The following PHACTR3 variants were observed in gnomAD, a reference collection of about 807,000 sequenced individuals.
PHACTR3 encodes phosphatase and actin regulator 3, also known as protein phosphatase 1, regulatory subunit 123.
PHACTR3 carries 16 observed loss-of-function variants against 66.8 expected under a neutral mutation model. The ratio of observed to expected loss-of-function variants is 0.24; its 90% CI spans 0.16 to 0.36. The LOEUF (loss-of-function observed/expected upper bound fraction) is 0.36, where lower values mean the gene tolerates loss of function less well. Among genes scored for constraint, PHACTR3 ranks in the 10% least tolerant of loss-of-function variants. PHACTR3 has a pLI of 1.00. For missense variants in PHACTR3, 647 were observed against 719.9 expected, an observed-to-expected ratio of 0.90 and a Z score of 1.16; for synonymous variants, 323 against 292.1, an observed-to-expected ratio of 1.11 and a Z score of -1.08.
At chr20:59,613,825 T>G (rs1341186606) in intron 1 of PHACTR3, among the ~76,000 whole-genome samples, 2 of 152,230 alleles carry the variant, frequency 1.3e-5, no homozygotes, top group African/African-American at 4.8e-5. Flanking sequence ...AGATATGTGA[T>G]CCAAGCCTAA....
In PHACTR3 at chr20:59,767,275, G is replaced by T. The variant is rs746482289; in HGVS notation, c.631G>T (p.Ala211Ser). ...TNELSQALAG[A>S]DSLDSPPRPL... The stretch of plus-strand genomic sequence containing the variant: ...TGAGCTCTCCCAAGCCTTAGCTGGG[G>T]CTGACTCCCTGGACAGTCCTCCCAG... The change falls in exon 5 of 13, where the codon GCT becomes TCT. Residue 211 changes from alanine to serine, a missense_variant. Coordinates refer to ENST00000371015, the MANE Select transcript of PHACTR3 (RefSeq NM_080672.5). 8 of 1,614,114 alleles carry T rather than the reference G, an allele frequency of 5.0e-6. No homozygotes were observed. Among genetic ancestry groups the T allele is most frequent in the African/African-American group, 4.0e-5 (3 of 74,952 alleles).
intron 9 of PHACTR3, among the ~76,000 whole-genome samples, chr20:59,839,453 G>A (rs2059018842): frequency 6.6e-6 from 1 of 152,136 alleles, no homozygotes. Context: ...CAAGTGGCAG[G>A]ATTTCCCTTA....
intron 1 of PHACTR3, among the ~76,000 whole-genome samples, chr20:59,680,995 C>G (rs1276392514): frequency 6.6e-6 from 1 of 152,202 alleles, no homozygotes; most frequent in African/African-American, 2.4e-5. Flanking sequence ...CTGCAGGATG[C>G]TGTGGCATCT....
chr20:59,815,663 T>C (rs563630750), intron 8 of PHACTR3, among the ~76,000 whole-genome samples: 2 of 152,306 alleles, frequency 1.3e-5, no homozygotes, highest in Admixed American at 6.5e-5. Context: ...GACCTCATGA[T>C]CCGCCTGCCT....
At chr20:59,742,888 G>C (rs2039218747) in intron 1 of PHACTR3, among the ~76,000 whole-genome samples, 1 of 152,186 alleles carries the variant, frequency 6.6e-6, no homozygotes, top group Admixed American at 6.5e-5. Context: ...TGGTGGCCGT[G>C]AGTGGGTCGC....
In PHACTR3 at chr20:59,774,786, A is replaced by G. The variant is rs572729742; in HGVS notation, c.1174+296A>G. Among the ~76,000 whole-genome samples the G allele has an allele frequency of 2.0e-4, 31 of 152,212 alleles. No individual in the cohort carries two copies. In the Middle Eastern group the frequency reaches 0.014, roughly 67 times the overall value. ...AAAAAAAAACAACATAAAAGTGGTG[A>G]AGCAAGTGACTTAGAGAATGCCACC... On this transcript the variant is annotated intron_variant, in intron 7 of 12. Coordinates refer to ENST00000371015, the MANE Select transcript of PHACTR3 (RefSeq NM_080672.5).
At chr20:59,678,864 T>C (rs2036543046) in intron 1 of PHACTR3, among the ~76,000 whole-genome samples, 1 of 150,916 alleles carries the variant, frequency 6.6e-6, no homozygotes, top group Non-Finnish European at 1.5e-5. Flanking sequence ...GCAGTGGTTC[T>C]CACATCTTGG....
At chr20:59,748,464 G>A (rs1228829547) in intron 3 of PHACTR3, among the ~76,000 whole-genome samples, 2 of 152,208 alleles carry the variant, frequency 1.3e-5, no homozygotes, top group Non-Finnish European at 2.9e-5. Flanking sequence ...GGTCTAGAGA[G>A]CTTAATCTCA....
At chr20:59,785,638 C>A (rs2040878995) in intron 7 of PHACTR3, among the ~76,000 whole-genome samples, 1 of 152,154 alleles carries the variant, frequency 6.6e-6, no homozygotes, top group Non-Finnish European at 1.5e-5. Flanking sequence ...CCCTGCCCAG[C>A]TCCACGCTGA....
chr20:59,806,323 C>T (rs1043251204), intron 8 of PHACTR3, 129 bp downstream of exon 8: 4 of 1,220,548 alleles, frequency 3.3e-6, no homozygotes, highest in East Asian at 5.0e-5. Context: ...GGTCTCTTGA[C>T]CCCGCCACCG....
intron 1 of PHACTR3, among the ~76,000 whole-genome samples, chr20:59,593,690 T>C (rs977634352): frequency 1.3e-5 from 2 of 152,208 alleles, no homozygotes; most frequent in African/African-American, 4.8e-5. Flanking sequence ...GTGTAAGGCT[T>C]ATGTCTAGAT....
At chr20:59,582,146 G>A (rs1451942934) in intron 1 of PHACTR3, among the ~76,000 whole-genome samples, 1 of 152,180 alleles carries the variant, frequency 6.6e-6, no homozygotes, top group Non-Finnish European at 1.5e-5. Context: ...CTTCCCCAGG[G>A]AAGCCACTGT....
chr20:59,676,609 C>T (rs958609075), intron 1 of PHACTR3: 2 of 744,082 alleles, frequency 2.7e-6, no homozygotes, highest in South Asian at 6.2e-5. Flanking sequence ...CGGAGCGAGT[C>T]CCCAGGAGCA....
chr20:59,659,830 G>T (rs781010559), intron 1 of PHACTR3, among the ~76,000 whole-genome samples: 2 of 152,118 alleles, frequency 1.3e-5, no homozygotes, highest in Non-Finnish European at 2.9e-5. Flanking sequence ...TCTGAACCTT[G>T]GAGTGCTTTG....
rs2039233827 is a variant in PHACTR3, at chr20:59,743,160, C to T, written c.172C>T (p.Arg58Ter). 6.2e-7 allele frequency: 1 copy of T among 1,613,904 alleles called. No individual in the cohort carries two copies. Among genetic ancestry groups the T allele is most frequent in the Non-Finnish European group, 8.5e-7 (1 of 1,179,972 alleles). Residue 58 changes from arginine (R) to a stop codon, truncating the protein, a stop_gained, in exon 2 of 13, where the codon CGA becomes TGA. Transcript: ENST00000371015. LOFTEE classifies it high-confidence loss of function. The stretch of plus-strand genomic sequence containing the variant: ...TCCTGAATATCTGGTCTCAGGGATT[C>T]GAACTCCCCCTGTGAGGAGGAACAG... ...ARPEYLVSGI[R>*]TPPVRRNSKL...
intron 7 of PHACTR3, among the ~76,000 whole-genome samples, chr20:59,793,220 T>A (rs1264170850): frequency 6.6e-6 from 1 of 152,154 alleles, no homozygotes; most frequent in Non-Finnish European, 1.5e-5. Flanking sequence ...CAGGTAGTGT[T>A]GTGCCTCCAG....
At chr20:59,683,380 C>T (rs2036735350) in intron 1 of PHACTR3, among the ~76,000 whole-genome samples, 1 of 152,138 alleles carries the variant, frequency 6.6e-6, no homozygotes, top group Admixed American at 6.5e-5. Flanking sequence ...CGGGAGGCCG[C>T]AGCTGAGCAG....
intron 1 of PHACTR3, among the ~76,000 whole-genome samples, chr20:59,698,886 G>T (rs907829307): frequency 2.0e-5 from 3 of 152,170 alleles, no homozygotes; most frequent in African/African-American, 7.2e-5. Flanking sequence ...TAAGAATTCA[G>T]CTTGCCATCC....
At chr20:59,811,706 G>A (rs943956577) in intron 8 of PHACTR3, among the ~76,000 whole-genome samples, 2 of 151,512 alleles carry the variant, frequency 1.3e-5, no homozygotes, top group Non-Finnish European at 2.9e-5. Context: ...GGAGCAGTGG[G>A]GGGTTGGACA....
Sources: gnomAD v4.1 joint callset for allele counts (sites outside exome capture counted in the v4.1 genomes callset) on GRCh38, gnomAD v4.1.1 for gene constraint, MANE v1.5 for transcripts, NCBI Gene and HGNC (gene_info 2026-07-23, HGNC 2026-07-21) for gene names.